SCHIP1: variants seen among roughly 807,000 people sequenced by gnomAD.
SCHIP1 encodes the protein schwannomin-interacting protein 1.
A neutral mutation model predicts 29.7 loss-of-function variants in SCHIP1; 8 were observed. That is an observed-to-expected ratio of 0.27 (90% CI 0.16 to 0.49). SCHIP1 has a LOEUF of 0.49. SCHIP1 is among the 20% of genes least tolerant of loss of function. SCHIP1 has a pLI of 0.99. For synonymous variants in SCHIP1, 76 were observed against 94.9 expected (o/e 0.80, Z 1.16); for missense variants, 193 against 294.6 (o/e 0.66, Z 2.52).
chr3:159,552,515 G>C, the SCHIP1 span, among the ~76,000 whole-genome samples: 3 of 152,238 alleles, frequency 2.0e-5, no homozygotes, highest in East Asian at 5.8e-4. Flanking sequence ...ATGTTCAACT[G>C]CAGTACATTC....
the SCHIP1 span, among the ~76,000 whole-genome samples, chr3:159,414,179 C>T: frequency 1.3e-5 from 2 of 152,188 alleles, no homozygotes; most frequent in South Asian, 4.1e-4. Flanking sequence ...TGCTCCTTTC[C>T]AGAATAAGAA....
chr3:159,412,624 A>G, the SCHIP1 span, among the ~76,000 whole-genome samples: 16 of 152,292 alleles, frequency 1.1e-4, no homozygotes, highest in East Asian at 2.7e-3. Flanking sequence ...AAAGGGACCA[A>G]TGAATTGTAT....
the SCHIP1 span, among the ~76,000 whole-genome samples, chr3:159,436,948 G>A: frequency 7.2e-5 from 11 of 152,068 alleles, no homozygotes. Context: ...GAATCATGGT[G>A]AGGGTGATCA....
At chr3:159,673,704 C>T in the SCHIP1 span, among the ~76,000 whole-genome samples, 1 of 152,176 alleles carries the variant, frequency 6.6e-6, no homozygotes, top group Non-Finnish European at 1.5e-5. Context: ...TGCCCTTTGT[C>T]AGAGGGGAGA....
chr3:159,316,285 C>A, the SCHIP1 span, among the ~76,000 whole-genome samples: 1 of 152,108 alleles, frequency 6.6e-6, no homozygotes, highest in African/African-American at 2.4e-5. Flanking sequence ...GCAAGGAGAG[C>A]CAGTCCGAGT....
intron 5 of SCHIP1, 140 bp downstream of exon 6, chr3:159,889,083 C>A: frequency 8.2e-7 from 1 of 1,216,282 alleles, no homozygotes; most frequent in South Asian, 1.7e-5. Context: ...AATCACAAGG[C>A]TCTTTTTTGT....
the SCHIP1 span, among the ~76,000 whole-genome samples, chr3:159,470,458 G>T: frequency 2.0e-5 from 3 of 152,108 alleles, no homozygotes; most frequent in African/African-American, 7.2e-5. Flanking sequence ...ATTCTATACT[G>T]TTTTAGAATA....
the SCHIP1 span, among the ~76,000 whole-genome samples, chr3:159,286,256 G>C: frequency 6.6e-6 from 1 of 152,040 alleles, no homozygotes; most frequent in Non-Finnish European, 1.5e-5. Context: ...CCTGGTGTCT[G>C]TTGTTCCTTT....
the SCHIP1 span, among the ~76,000 whole-genome samples, chr3:159,459,708 T>C: frequency 2.0e-5 from 3 of 152,266 alleles, no homozygotes; most frequent in Middle Eastern, 3.4e-3. Context: ...CCTAGGCACC[T>C]CCAGTACCTA....
chr3:159,851,406 C>T (rs184887081), intron 1 of SCHIP1, among the ~76,000 whole-genome samples: 35 of 152,326 alleles, frequency 2.3e-4, no homozygotes, highest in African/African-American at 7.2e-4. Flanking sequence ...CCATATTCAT[C>T]TTCCTTAACC....
At chr3:159,360,695 T>A in the SCHIP1 span, among the ~76,000 whole-genome samples, 1 of 152,230 alleles carries the variant, frequency 6.6e-6, no homozygotes, top group Non-Finnish European at 1.5e-5. Context: ...CTTTGTGACA[T>A]GAGGTTGACA....
chr3:159,637,421 A>ACACACACC, the SCHIP1 span, among the ~76,000 whole-genome samples: 8 of 136,596 alleles, frequency 5.9e-5, no homozygotes, highest in African/African-American at 2.3e-4. Flanking sequence ...ACACACACAC[A>ACACACACC]CCTGACTCTT....
chr3:159,350,314 G>A, the SCHIP1 span, among the ~76,000 whole-genome samples: 2 of 152,058 alleles, frequency 1.3e-5, no homozygotes, highest in Non-Finnish European at 2.9e-5. Flanking sequence ...TATCTCATAT[G>A]GCATAGGCTT....
the SCHIP1 span, among the ~76,000 whole-genome samples, chr3:159,300,641 C>A: frequency 6.6e-6 from 1 of 152,152 alleles, no homozygotes; most frequent in South Asian, 2.1e-4. Flanking sequence ...GCTTTTGCAC[C>A]GACTACAATG....
At chr3:159,311,621 A>T in the SCHIP1 span, among the ~76,000 whole-genome samples, 1 of 152,176 alleles carries the variant, frequency 6.6e-6, no homozygotes, top group Non-Finnish European at 1.5e-5. Context: ...AATCATTGAA[A>T]GAATTTCTGT....
the SCHIP1 span, chr3:159,765,212 C>T: frequency 2.2e-5 from 32 of 1,433,840 alleles, no homozygotes; most frequent in Non-Finnish European, 3.0e-5. Flanking sequence ...CACGCCCCCT[C>T]CCTGCGCTCC....
chr3:159,667,786 G>A, the SCHIP1 span, among the ~76,000 whole-genome samples: 1 of 152,196 alleles, frequency 6.6e-6, no homozygotes, highest in Non-Finnish European at 1.5e-5. Context: ...AATCTATAAT[G>A]AGAAATATAT....
At chr3:159,740,425 T>C in the SCHIP1 span, among the ~76,000 whole-genome samples, 45,916 of 151,828 alleles carry the variant, frequency 0.3, 7,178 homozygotes, top group African/African-American at 0.38. Flanking sequence ...GCTGGGCAGG[T>C]GGAACAACAC....
At chr3:159,866,376 T>C (rs1196364271) in intron 2 of SCHIP1, 95 bp downstream of exon 3, 1 of 1,195,572 alleles carries the variant, frequency 8.4e-7, no homozygotes, top group Non-Finnish European at 1.2e-6. Flanking sequence ...TCTTCTGTAG[T>C]TTTTTTTTCC....
Sources: allele counts gnomAD v4.1 joint callset (sites outside exome capture counted in the v4.1 genomes callset), GRCh38; gene constraint gnomAD v4.1.1; transcripts MANE v1.5; gene names NCBI Gene and HGNC (gene_info 2026-07-23, HGNC 2026-07-21).